The following BTBD9 variants were observed in gnomAD, a reference collection of about 807,000 sequenced individuals.
BTBD9 encodes the protein BTB/POZ domain-containing protein 9.
Under a neutral mutation model 64.3 loss-of-function variants are expected in BTBD9, and 49 were observed. The observed-to-expected ratio is 0.76, with a 90% confidence interval of 0.61 to 0.97. The LOEUF (loss-of-function observed/expected upper bound fraction) is 0.97. Among genes scored for constraint, BTBD9 ranks in the 50% least tolerant of loss-of-function variants. The pLI, the probability that BTBD9 is intolerant of heterozygous loss-of-function variation, is 0.00. For synonymous variants in BTBD9, 260 were observed against 274.7 expected, an observed-to-expected ratio of 0.95 and a Z score of 0.53; for missense variants, 598 against 762.1, an observed-to-expected ratio of 0.78 and a Z score of 2.53.
At chr6:38,381,432 C>T (rs1373065641) in intron 6 of BTBD9, among the ~76,000 whole-genome samples, 1 of 152,074 alleles carries the variant, frequency 6.6e-6, no homozygotes, top group Non-Finnish European at 1.5e-5. Context: ...AGTGCATATG[C>T]AGCTAATATA....
chr6:38,282,882 C>G (rs1470948746), intron 8 of BTBD9, among the ~76,000 whole-genome samples: 1 of 151,488 alleles, frequency 6.6e-6, no homozygotes, highest in Non-Finnish European at 1.5e-5. Flanking sequence ...CATGGCACTT[C>G]TAAATATCAG....
intron 6 of BTBD9, among the ~76,000 whole-genome samples, chr6:38,351,034 G>C (rs2127592706): frequency 6.6e-6 from 1 of 152,332 alleles, no homozygotes; most frequent in East Asian, 1.9e-4. Flanking sequence ...TGTGACTTCA[G>C]GTCTTGTTGC....
chr6:38,334,905 G>C (rs1035786741), intron 7 of BTBD9, among the ~76,000 whole-genome samples: 2 of 152,098 alleles, frequency 1.3e-5, no homozygotes, highest in African/African-American at 2.4e-5. Flanking sequence ...ATATGGTTTG[G>C]CTTTGTGTCC....
chr6:38,310,343 G>A (rs147893628), intron 7 of BTBD9, among the ~76,000 whole-genome samples: 38 of 152,048 alleles, frequency 2.5e-4, no homozygotes, highest in Non-Finnish European at 4.7e-4. Context: ...GAGACCTGGC[G>A]CAGTTTGGCT....
At chr6:38,246,663 G>A (rs970084653) in intron 9 of BTBD9, among the ~76,000 whole-genome samples, 1 of 149,546 alleles carries the variant, frequency 6.7e-6, no homozygotes, top group Non-Finnish European at 1.5e-5. Flanking sequence ...ATGCTGTGTA[G>A]AAAAACGGAA....
intron 6 of BTBD9, among the ~76,000 whole-genome samples, chr6:38,484,106 A>G (rs144468122): frequency 1.3e-5 from 2 of 152,320 alleles, no homozygotes; most frequent in African/African-American, 4.8e-5. Flanking sequence ...AAATGAAATG[A>G]CGATGAAATC....
At chr6:38,555,389 A>C (rs952545499) in intron 6 of BTBD9, among the ~76,000 whole-genome samples, 1 of 152,242 alleles carries the variant, frequency 6.6e-6, no homozygotes, top group African/African-American at 2.4e-5. Flanking sequence ...ATTTAAAGTG[A>C]ATTCACTTGA....
At chr6:38,416,960 C>T (rs1030397009) in intron 6 of BTBD9, among the ~76,000 whole-genome samples, 13 of 152,046 alleles carry the variant, frequency 8.6e-5, no homozygotes, top group African/African-American at 2.9e-4. Context: ...GTTTTGAGAC[C>T]GAGTCTTGCC....
intron 7 of BTBD9, among the ~76,000 whole-genome samples, chr6:38,325,265 A>G (rs908918249): frequency 2.0e-5 from 3 of 152,238 alleles, no homozygotes; most frequent in African/African-American, 7.2e-5. Context: ...GGTATCATAA[A>G]GAGAAGGGAA....
At chr6:38,198,249 A>G (rs1000241731) in intron 9 of BTBD9, among the ~76,000 whole-genome samples, 3 of 152,212 alleles carry the variant, frequency 2.0e-5, no homozygotes, top group African/African-American at 7.2e-5. Flanking sequence ...AACTATAAAT[A>G]TAAAAATTAG....
chr6:38,330,987 T>A (rs1343964727), intron 7 of BTBD9, among the ~76,000 whole-genome samples: 1 of 152,106 alleles, frequency 6.6e-6, no homozygotes, highest in Non-Finnish European at 1.5e-5. Flanking sequence ...TATTTTGAAC[T>A]GGGGAGGGAG....
chr6:38,453,759 G>C (rs1294849887), intron 6 of BTBD9, among the ~76,000 whole-genome samples: 2 of 152,100 alleles, frequency 1.3e-5, no homozygotes, highest in Non-Finnish European at 2.9e-5. Flanking sequence ...ATCCCAAATG[G>C]AGAGAGAAGA....
chr6:38,498,094 C>G (rs565302170), intron 6 of BTBD9, among the ~76,000 whole-genome samples: 2 of 152,306 alleles, frequency 1.3e-5, no homozygotes, highest in South Asian at 4.1e-4. Flanking sequence ...TCCAGCACAA[C>G]CAACATCCAA....
chr6:38,339,683 G>A (rs1395454517), intron 7 of BTBD9, among the ~76,000 whole-genome samples: 1 of 152,192 alleles, frequency 6.6e-6, no homozygotes, highest in Non-Finnish European at 1.5e-5. Context: ...CAGAGGTAGA[G>A]AGGGCAGGAA....
At chr6:38,376,994 T>C (rs1765717506) in intron 6 of BTBD9, among the ~76,000 whole-genome samples, 1 of 152,178 alleles carries the variant, frequency 6.6e-6, no homozygotes, top group Non-Finnish European at 1.5e-5. Context: ...CAGACATAGG[T>C]TCCTTGAGCA....
intron 7 of BTBD9, among the ~76,000 whole-genome samples, chr6:38,333,467 A>T (rs1413876628): frequency 6.6e-6 from 1 of 152,184 alleles, no homozygotes; most frequent in Non-Finnish European, 1.5e-5. Flanking sequence ...TCTCATGTCA[A>T]ATCGTAACTC....
chr6:38,507,745 G>A (rs913529829), intron 6 of BTBD9, among the ~76,000 whole-genome samples: 1 of 151,604 alleles, frequency 6.6e-6, no homozygotes, highest in African/African-American at 2.4e-5. Context: ...TTCCATCCTA[G>A]ACCTTCTCTC....
At chr6:38,427,620 G>A (rs1339283534) in intron 6 of BTBD9, among the ~76,000 whole-genome samples, 1 of 151,902 alleles carries the variant, frequency 6.6e-6, no homozygotes, top group Non-Finnish European at 1.5e-5. Context: ...TTGTGTGTGT[G>A]CTTATCAGTG....
chr6:38,356,056 A>G (rs1353679167), intron 6 of BTBD9, among the ~76,000 whole-genome samples: 1 of 152,134 alleles, frequency 6.6e-6, no homozygotes, highest in Admixed American at 6.5e-5. Context: ...TTGAGAAGCC[A>G]CTATGATACC....
Sources: gnomAD v4.1 joint callset for allele counts (sites outside exome capture counted in the v4.1 genomes callset) on GRCh38, gnomAD v4.1.1 for gene constraint, MANE v1.5 for transcripts, NCBI Gene and HGNC (gene_info 2026-07-23, HGNC 2026-07-21) for gene names.